Variants in PCDHA6 observed in about 807,000 individuals in gnomAD.
The protein encoded by PCDHA6 is protocadherin alpha-6.
In PCDHA6, 55 loss-of-function variants were observed where a neutral mutation model predicts 60.3. The observed-to-expected ratio is 0.91, with a 90% CI of 0.73 to 1.14. The LOEUF is 1.14. Ranked by LOEUF, PCDHA6 falls within the 50% of genes most tolerant of loss-of-function variation. The pLI, the probability that PCDHA6 is intolerant of heterozygous loss-of-function variation, is 0.00. For synonymous variants in PCDHA6, 652 were observed against 557.9 expected, an observed-to-expected ratio of 1.17 and a Z score of -2.38; for missense variants, 1,327 against 1,256.5, an observed-to-expected ratio of 1.06 and a Z score of -0.85.
rs1238256859 is a variant in PCDHA6, at chr5:141,010,204, C to T, written c.*267C>T. 6.4e-7 allele frequency: 1 copy of T among 1,551,970 alleles called. No homozygotes were observed. On this transcript the variant is annotated 3_prime_UTR_variant, in exon 4 of 4. Transcript: ENST00000529310. The stretch of plus-strand genomic sequence containing the variant: ...GACCCAAGTTTCCTTTCTCCTCCGC[C>T]GCAAAGGAGAGGCTTCCCAGCCCCG...
intron 1 of PCDHA6, among the ~76,000 whole-genome samples, chr5:140,886,721 G>A (rs2061104522): frequency 6.6e-6 from 1 of 151,592 alleles, no homozygotes; most frequent in Non-Finnish European, 1.5e-5. Context: ...AGCTACTTGG[G>A]AGGCTGAAGC....
chr5:140,941,506 G>T (rs556309408), intron 1 of PCDHA6, among the ~76,000 whole-genome samples: 1 of 151,236 alleles, frequency 6.6e-6, no homozygotes, highest in South Asian at 2.1e-4. Flanking sequence ...TAGTAGAGAC[G>T]AGGTTTCACC....
intron 1 of PCDHA6, among the ~76,000 whole-genome samples, chr5:140,910,641 C>G (rs1270893523): frequency 6.6e-6 from 1 of 152,206 alleles, no homozygotes; most frequent in Non-Finnish European, 1.5e-5. Context: ...CTCCCTAAAC[C>G]TTTTGATCCC....
chr5:140,869,577 T>C, intron 1 of PCDHA6: 2 of 1,614,188 alleles, frequency 1.2e-6, no homozygotes, highest in Non-Finnish European at 8.5e-7. Context: ...AGGGAGCTTC[T>C]GATGCTGACA....
chr5:140,890,585 A>G (rs1158719431), intron 1 of PCDHA6, among the ~76,000 whole-genome samples: 1 of 152,086 alleles, frequency 6.6e-6, no homozygotes, highest in Admixed American at 6.5e-5. Context: ...TATTATTTGG[A>G]AGCCCTTTTC....
At chr5:140,841,429 C>T in intron 1 of PCDHA6, 1 of 1,612,960 alleles carries the variant, frequency 6.2e-7, no homozygotes, top group African/African-American at 1.3e-5. Context: ...ACTCCGTCCC[C>T]GAGGAGGCCA....
chr5:140,973,329 G>A (rs1303671094), intron 1 of PCDHA6, among the ~76,000 whole-genome samples: 6 of 152,112 alleles, frequency 3.9e-5, no homozygotes, highest in Non-Finnish European at 7.3e-5. Flanking sequence ...GTTTACACTC[G>A]TTGTAAAGTG....
intron 1 of PCDHA6, among the ~76,000 whole-genome samples, chr5:140,947,220 T>A (rs531697572): frequency 6.6e-6 from 1 of 151,686 alleles, no homozygotes; most frequent in East Asian, 1.9e-4. Flanking sequence ...ATCCTGTCAT[T>A]TATGACAGGA....
rs1019397100 is a variant in PCDHA6, at chr5:140,953,409, G to A, written c.2395-25540G>A. On this transcript the variant is annotated intron_variant, in intron 1 of 3. Transcript: ENST00000529310. ...TGTGGATTACAGTGCTGTTGCTCCTGGCTCCTCCCCTTTGTCCTTAAGCTG... is the reference window on the plus strand; with the variant it reads ...TGTGGATTACAGTGCTGTTGCTCCTAGCTCCTCCCCTTTGTCCTTAAGCTG... Among the ~76,000 whole-genome samples, 14 of 152,194 alleles carry A rather than the reference G, an allele frequency of 9.2e-5. No individual in the cohort carries two copies. The South Asian group carries it at 2.9e-3, about 32-fold the overall frequency.
intron 1 of PCDHA6, chr5:140,927,567 C>A: frequency 6.2e-7 from 1 of 1,614,180 alleles, no homozygotes; most frequent in Non-Finnish European, 8.5e-7. Context: ...TTGTGGTGGA[C>A]ACAAATGACA....
chr5:140,872,448 G>A (rs1164382380), intron 1 of PCDHA6, among the ~76,000 whole-genome samples: 2 of 151,992 alleles, frequency 1.3e-5, no homozygotes, highest in South Asian at 2.1e-4. Flanking sequence ...ACAACATAGC[G>A]AGATCCTGTC....
chr5:140,835,731 G>A, intron 1 of PCDHA6: 3 of 1,613,790 alleles, frequency 1.9e-6, no homozygotes, highest in Non-Finnish European at 2.5e-6. Flanking sequence ...CGACGTGAAC[G>A]ACAACGCCCC....
intron 1 of PCDHA6, chr5:140,884,343 C>T (rs368888498): frequency 1.2e-6 from 2 of 1,613,900 alleles, no homozygotes; most frequent in Non-Finnish European, 1.7e-6. Context: ...CCAGAAGCGG[C>T]GCTGGTGGAT....
intron 1 of PCDHA6, chr5:140,834,672 G>C (rs2150223944): frequency 8.1e-6 from 13 of 1,614,118 alleles, no homozygotes; most frequent in Middle Eastern, 1.6e-4. Context: ...GGAGCTGTGC[G>C]GGCGGAGCGC....
intron 1 of PCDHA6, chr5:140,877,832 C>T (rs782156769): frequency 1.9e-6 from 3 of 1,591,692 alleles, no homozygotes; most frequent in African/African-American, 2.7e-5. Flanking sequence ...TTAAATCCTC[C>T]CAGTGAAGTA....
rs564683374 is a variant in PCDHA6 at position 140,850,519 on chromosome 5, C to A, written c.2394+20034C>A. 1.1e-5 allele frequency: 17 copies of A among 1,598,126 alleles called. 1 individual carries two copies. Among genetic ancestry groups the A allele is most frequent in the Admixed American group, 1.7e-5 (1 of 59,294 alleles). On this transcript the variant is annotated intron_variant, in intron 1 of 3. Coordinates refer to ENST00000529310, the MANE Select transcript of PCDHA6 (RefSeq NM_018909.4). ...GTGTCGCTGGTGGAGAGCGGCCAGG[C>A]GCCAAAGTCATCGTCGCGGGCGTCA...
Position 140,829,536 on chromosome 5 carries a change from C to G in PCDHA6, c.1445C>G (p.Ala482Gly). 1 of 1,613,152 alleles carries G rather than the reference C, an allele frequency of 6.2e-7. No individual in the cohort carries two copies. The highest frequency in any genetic ancestry group is 8.5e-7 in the Non-Finnish European group (1 of 1,179,866). ...ATCTTCACGGTGTCTGCGCGAGACG[C>G]GGACGCGCAGGAGAACGCGCTGGTG... ...CHIFTVSARD[A>G]DAQENALVSY... Residue 482 changes from alanine (A) to glycine (G), a missense_variant, in exon 1 of 4, where the codon GCG becomes GGG. Ala to Gly is a moderately conservative substitution (Grantham distance 60). Coordinates refer to ENST00000529310, the MANE Select transcript of PCDHA6 (RefSeq NM_018909.4).
At chr5:141,000,410 TATATATATATA>T (rs1554257433) in intron 3 of PCDHA6, among the ~76,000 whole-genome samples, 1 of 101,972 alleles carries the variant, frequency 9.8e-6, no homozygotes, top group Non-Finnish European at 2.0e-5. Context: ...TATATATATA[TATATATATATA>T]TTTTTTTTTT....
At chr5:140,882,049 T>G in intron 1 of PCDHA6, 2 of 752,814 alleles carry the variant, frequency 2.7e-6, no homozygotes, top group Non-Finnish European at 4.1e-6. Context: ...TGAGTCATAC[T>G]TACACTTACA....
Sources: gnomAD v4.1 joint callset for allele counts (sites outside exome capture counted in the v4.1 genomes callset) on GRCh38, gnomAD v4.1.1 for gene constraint, MANE v1.5 for transcripts, NCBI Gene and HGNC (gene_info 2026-07-23, HGNC 2026-07-21) for gene names.